CCDC178: variants seen among roughly 807,000 people sequenced by gnomAD.
CCDC178 encodes the protein coiled-coil domain containing 178, also known as coiled-coil domain-containing protein 178.
Under a neutral mutation model 117.4 loss-of-function variants are expected in CCDC178, and 126 were observed. The ratio of observed to expected loss-of-function variants is 1.07; its 90% CI spans 0.93 to 1.24. CCDC178 has a LOEUF of 1.24. Ranked by LOEUF, CCDC178 falls within the 50% of genes most tolerant of loss-of-function variation. The pLI, the probability that CCDC178 is intolerant of heterozygous loss-of-function variation, is 0.00. For synonymous variants in CCDC178, 283 were observed against 313.4 expected (o/e 0.90, Z 1.02); for missense variants, 1,030 against 986.9 (o/e 1.04, Z -0.59).
chr18:33,129,007 T>C (rs2058040437), intron 20 of CCDC178, among the ~76,000 whole-genome samples: 1 of 152,164 alleles, frequency 6.6e-6, no homozygotes, highest in Admixed American at 6.6e-5. Context: ...ATGAGATAGT[T>C]AAGATTCATT....
chr18:32,986,368 G>A (rs1236162904), intron 21 of CCDC178, among the ~76,000 whole-genome samples: 1 of 151,882 alleles, frequency 6.6e-6, no homozygotes, highest in East Asian at 1.9e-4. Flanking sequence ...TTTTCCCCTT[G>A]GCTTGCAGAA....
chr18:33,225,322 G>T (rs995264948), intron 16 of CCDC178, among the ~76,000 whole-genome samples: 3 of 151,820 alleles, frequency 2.0e-5, no homozygotes, highest in Non-Finnish European at 4.4e-5. Context: ...ACCATGCCCG[G>T]CTAATTTTTG....
At chr18:33,203,092 A>T (rs1273437596) in intron 20 of CCDC178, among the ~76,000 whole-genome samples, 1 of 152,180 alleles carries the variant, frequency 6.6e-6, no homozygotes, top group Non-Finnish European at 1.5e-5. Flanking sequence ...TATTAGCATA[A>T]TTTCCTCTTT....
chr18:33,194,573 T>C (rs1379079652), intron 20 of CCDC178, among the ~76,000 whole-genome samples: 1 of 152,212 alleles, frequency 6.6e-6, no homozygotes, highest in Non-Finnish European at 1.5e-5. Flanking sequence ...TAAAACTTTG[T>C]ATTTCTATTT....
intron 11 of CCDC178, among the ~76,000 whole-genome samples, chr18:33,313,146 A>G (rs2062365394): frequency 6.6e-6 from 1 of 152,186 alleles, no homozygotes; most frequent in Non-Finnish European, 1.5e-5. Context: ...CAATGAATAC[A>G]ATAGTTCCAG....
At chr18:33,239,158 C>T (rs1251532780) in intron 15 of CCDC178, among the ~76,000 whole-genome samples, 2 of 151,998 alleles carry the variant, frequency 1.3e-5, no homozygotes, top group South Asian at 2.1e-4. Context: ...CAATAACTAT[C>T]AGGAAAACAT....
chr18:33,427,725 T>A (rs2064141613), intron 2 of CCDC178, among the ~76,000 whole-genome samples: 1 of 152,162 alleles, frequency 6.6e-6, no homozygotes. Context: ...TACCCATATA[T>A]CCACAAAGAT....
intron 21 of CCDC178, among the ~76,000 whole-genome samples, chr18:33,021,788 C>T (rs2053378773): frequency 6.6e-6 from 1 of 152,140 alleles, no homozygotes. Flanking sequence ...CCTATTTGAA[C>T]TTTTCTCTAC....
chr18:33,106,895 C>G (rs1163150471), intron 20 of CCDC178, among the ~76,000 whole-genome samples: 1 of 151,678 alleles, frequency 6.6e-6, no homozygotes, highest in Non-Finnish European at 1.5e-5. Flanking sequence ...AAGAAGAAGG[C>G]TACAAGCCAA....
chr18:33,243,669 T>C (rs747517384), intron 15 of CCDC178, among the ~76,000 whole-genome samples: 16 of 150,680 alleles, frequency 1.1e-4, no homozygotes, highest in Non-Finnish European at 2.2e-4. Flanking sequence ...TTTAGAAAAA[T>C]AAATAATCCA....
chr18:32,996,225 T>G (rs1380495880), intron 21 of CCDC178, among the ~76,000 whole-genome samples: 6 of 151,880 alleles, frequency 4.0e-5, no homozygotes, highest in African/African-American at 1.2e-4. Context: ...GAAAACCCAC[T>G]ATAAAATCTG....
chr18:33,342,777 G>A (rs1303272665), intron 9 of CCDC178, among the ~76,000 whole-genome samples: 1 of 152,178 alleles, frequency 6.6e-6, no homozygotes, highest in Non-Finnish European at 1.5e-5. Context: ...GCTTATTGTT[G>A]TAAGCCACTG....
chr18:33,315,970 A>G (rs1225131586), intron 11 of CCDC178, among the ~76,000 whole-genome samples: 1 of 152,226 alleles, frequency 6.6e-6, no homozygotes, highest in Non-Finnish European at 1.5e-5. Context: ...ATATACAAGC[A>G]TTGTACCTAG....
intron 20 of CCDC178, among the ~76,000 whole-genome samples, chr18:33,108,254 G>A (rs2057734505): frequency 1.3e-5 from 2 of 151,498 alleles, no homozygotes; most frequent in South Asian, 4.1e-4. Flanking sequence ...ATTTTACTGT[G>A]TAAAGTGGCA....
chr18:33,277,906 C>T (rs140751386), intron 12 of CCDC178, among the ~76,000 whole-genome samples: 131 of 152,230 alleles, frequency 8.6e-4, no homozygotes, highest in African/African-American at 3.1e-3. Flanking sequence ...TGTAACCTTG[C>T]ATATTTACAA....
intron 10 of CCDC178, among the ~76,000 whole-genome samples, chr18:33,329,950 C>CT (rs1205443998): frequency 0.017 from 1,114 of 64,448 alleles, 37 homozygotes; most frequent in African/African-American, 0.041. Flanking sequence ...TGGTCCTGGG[C>CT]TTTTTTTTTT....
At chr18:33,418,747 C>A (rs1249076369) in intron 2 of CCDC178, among the ~76,000 whole-genome samples, 2 of 152,062 alleles carry the variant, frequency 1.3e-5, no homozygotes, top group Non-Finnish European at 2.9e-5. Flanking sequence ...TCACAATAAC[C>A]ACACACAAAA....
rs181537871 is a variant in CCDC178 at position 33,006,083 on chromosome 18, G to A, written c.2389-31402C>T. Among the ~76,000 whole-genome samples, 12 of 152,078 alleles carry A rather than the reference G, an allele frequency of 7.9e-5. No individual in the cohort carries two copies. In the South Asian group the frequency reaches 8.3e-4, roughly 11 times the overall value. ...TCATACATAAGGATCTGTGACATTC[G>A]TTTGGTTGACTGTATTAACATCATA... is the stretch of plus-strand genomic sequence containing the variant. On this transcript the variant is annotated intron_variant, in intron 21 of 22. Coordinates refer to ENST00000383096, the MANE Select transcript of CCDC178 (RefSeq NM_001105528.4).
chr18:33,400,845 T>G (rs2063700471), intron 3 of CCDC178, among the ~76,000 whole-genome samples: 1 of 152,220 alleles, frequency 6.6e-6, no homozygotes, highest in South Asian at 2.1e-4. Context: ...AGACTATGTT[T>G]TCAGTCTATC....
Sources: allele counts gnomAD v4.1 joint callset (sites outside exome capture counted in the v4.1 genomes callset), GRCh38; gene constraint gnomAD v4.1.1; transcripts MANE v1.5; gene names NCBI Gene and HGNC (gene_info 2026-07-23, HGNC 2026-07-21).